ITIH5: variants seen among roughly 807,000 people sequenced by gnomAD.
ITIH5 encodes the protein inter-alpha-trypsin inhibitor heavy chain 5, also known as inter-alpha-trypsin inhibitor heavy chain H5.
A neutral mutation model predicts 77.5 loss-of-function variants in ITIH5; 65 were observed. That is an observed-to-expected ratio of 0.84 (90% CI 0.69 to 1.03). The LOEUF (loss-of-function observed/expected upper bound fraction) is 1.03, where lower values mean the gene tolerates loss of function less well. Among genes scored for constraint, ITIH5 ranks in the 50% least tolerant of loss-of-function variants. The pLI, the probability that ITIH5 is intolerant of heterozygous loss-of-function variation, is 0.00. For synonymous variants in ITIH5, 525 were observed against 494.3 expected (o/e 1.06, Z -0.82); for missense variants, 1,208 against 1,213.1 (o/e 1.00, Z 0.06).
intron 7 of ITIH5, among the ~76,000 whole-genome samples, chr10:7,612,641 C>T (rs1833271492): frequency 6.7e-6 from 1 of 149,914 alleles, no homozygotes; most frequent in Admixed American, 6.6e-5. Context: ...CAAACCCTGC[C>T]CCCACAAAAA....
chr10:7,600,012 A>G (rs7914176), intron 7 of ITIH5, among the ~76,000 whole-genome samples: 147,092 of 152,246 alleles, frequency 0.97, 71,194 homozygotes, highest in Non-Finnish European at 1. Context: ...ACTTTTTCTT[A>G]TCTTCCTTAT....
At chr10:7,663,318 A>G (rs1423310584) in intron 1 of ITIH5, among the ~76,000 whole-genome samples, 3 of 152,270 alleles carry the variant, frequency 2.0e-5, no homozygotes, top group Admixed American at 6.5e-5. Flanking sequence ...CATAAATAGT[A>G]AAAGCAGCTA....
intron 1 of ITIH5, among the ~76,000 whole-genome samples, chr10:7,665,508 A>T (rs1348000576): frequency 6.6e-6 from 1 of 152,248 alleles, no homozygotes; most frequent in Non-Finnish European, 1.5e-5. Flanking sequence ...AAGGCACTTG[A>T]TCAGGGTCCC....
rs1168626184 is a variant in ITIH5, at chr10:7,603,602, C to T, written c.939+12380G>A. The stretch of plus-strand genomic sequence containing the variant: ...TTTTGTTTTTTGTTTGCTTGTTTTT[C>T]AGATGGAGTCTCGCTCTGTCGTCCA... On this transcript the variant is annotated intron_variant, in intron 7 of 13. Transcript: ENST00000397146. Among the ~76,000 whole-genome samples the T allele has an allele frequency of 2.0e-5, 3 of 152,108 alleles. No homozygotes were observed. The East Asian group carries it at 5.8e-4, about 29-fold the overall frequency.
chr10:7,630,531 T>A (rs1188796912), intron 5 of ITIH5, among the ~76,000 whole-genome samples: 4 of 152,050 alleles, frequency 2.6e-5, no homozygotes, highest in African/African-American at 9.7e-5. Context: ...TCCTAGGGTG[T>A]GAGAAGTGGT....
intron 2 of ITIH5, among the ~76,000 whole-genome samples, chr10:7,643,896 C>T (rs1306826478): frequency 1.3e-5 from 2 of 152,148 alleles, no homozygotes; most frequent in Admixed American, 6.5e-5. Context: ...TACAAACCAC[C>T]AAAAGCTTGA....
chr10:7,586,171 T>A, intron 7 of ITIH5, 102 bp from the exon 8 acceptor site: 1 of 1,056,668 alleles, frequency 9.5e-7, no homozygotes, highest in Admixed American at 2.8e-5. Context: ...ATGTCAGGGT[T>A]CAAATTCAGT....
chr10:7,619,931 C>T (rs1480314673), intron 5 of ITIH5: 1 of 152,494 alleles, frequency 6.6e-6, no homozygotes, highest in Non-Finnish European at 1.5e-5. Context: ...AATCCCAGCA[C>T]TTTGGGAGGC....
In ITIH5 at chr10:7,579,804, G is replaced by C. The variant is rs1301734121; in HGVS notation, c.1369C>G (p.Leu457Val). The C allele has an allele frequency of 2.5e-6, 4 of 1,614,052 alleles. No homozygotes were observed. Among genetic ancestry groups the C allele is most frequent in the Non-Finnish European group, 2.5e-6 (3 of 1,180,044 alleles). The change falls in exon 9 of 14, where the codon CTC becomes GTC. Residue 457 changes from leucine (L) to valine (V), a missense_variant. Coordinates refer to ENST00000397146, the MANE Select transcript of ITIH5 (RefSeq NM_030569.7). ...LEKLSLENCG[L>V]TRRVHEEEDA... ...TCCTCCTCGTGCACGCGCCGTGTGAGGCCACAGTTCTCCAGCGACAGTTTC... is the reference window on the plus strand; with the variant it reads ...TCCTCCTCGTGCACGCGCCGTGTGACGCCACAGTTCTCCAGCGACAGTTTC...
chr10:7,626,612 T>G (rs74119843), intron 5 of ITIH5, among the ~76,000 whole-genome samples: 8,544 of 152,260 alleles, frequency 0.056, 849 homozygotes, highest in African/African-American at 0.19. Flanking sequence ...CCAGTCACAG[T>G]GCAGCCCTTT....
At chr10:7,643,662 T>C (rs1833923044) in intron 2 of ITIH5, among the ~76,000 whole-genome samples, 1 of 152,218 alleles carries the variant, frequency 6.6e-6, no homozygotes, top group Admixed American at 6.5e-5. Flanking sequence ...GTCACCTAGC[T>C]GGGCAATGTT....
At chr10:7,600,074 T>A (rs1832984636) in intron 7 of ITIH5, among the ~76,000 whole-genome samples, 1 of 152,206 alleles carries the variant, frequency 6.6e-6, no homozygotes, top group Non-Finnish European at 1.5e-5. Context: ...GAGAAGGCAG[T>A]AGAGGCTTCT....
chr10:7,645,037 A>T (rs547938434), intron 2 of ITIH5, among the ~76,000 whole-genome samples: 1 of 150,864 alleles, frequency 6.6e-6, no homozygotes, highest in African/African-American at 2.4e-5. Context: ...AGCCAAGCAC[A>T]TGAGGAAGGG....
chr10:7,575,072 C>T (rs948237818), intron 10 of ITIH5, among the ~76,000 whole-genome samples: 1 of 152,214 alleles, frequency 6.6e-6, no homozygotes, highest in Non-Finnish European at 1.5e-5. Flanking sequence ...AAGCTCCACG[C>T]TTTCTGAAAT....
At chr10:7,622,333 G>A (rs1833486961) in intron 5 of ITIH5, 1 of 152,132 alleles carries the variant, frequency 6.6e-6, no homozygotes, top group South Asian at 2.1e-4. Context: ...TAATATTCCT[G>A]AGCTTCAGTC....
chr10:7,573,070 A>C, intron 11 of ITIH5, 72 bp downstream of exon 11: 1 of 1,415,696 alleles, frequency 7.1e-7, no homozygotes, highest in Non-Finnish European at 1.0e-6. Flanking sequence ...GAGCCAGTAC[A>C]CCTGGCCTGG....
intron 2 of ITIH5, among the ~76,000 whole-genome samples, chr10:7,643,925 T>C (rs1050021806): frequency 3.3e-5 from 5 of 152,276 alleles, no homozygotes; most frequent in African/African-American, 9.6e-5. Context: ...TTCTATGATG[T>C]ATTAGAGAGG....
At position 7,629,967 on chromosome 10, in the gene ITIH5, T is replaced by C. The variant is rs112577101; in HGVS notation, c.652+7261A>G. Among the ~76,000 whole-genome samples, 15 of 152,308 alleles carry C rather than the reference T, an allele frequency of 9.8e-5. 1 individual carries two copies. Among genetic ancestry groups the C allele is most frequent in the African/African-American group, 3.6e-4 (15 of 41,548 alleles). ...TACCCTAGACAAGTGAATTTGAATG[T>C]ATTGGGGGGGCTACGGAGCTGTACT... On this transcript the variant is annotated intron_variant, in intron 5 of 13. Coordinates refer to ENST00000397146, the MANE Select transcript of ITIH5 (RefSeq NM_030569.7).
chr10:7,641,011 T>C (rs1369913583), intron 3 of ITIH5, among the ~76,000 whole-genome samples, 156 bp from the exon 4 acceptor site: 1 of 152,216 alleles, frequency 6.6e-6, no homozygotes, highest in African/African-American at 2.4e-5. Context: ...CTTTGAATCA[T>C]TCATTTTATT....
Sources: allele counts gnomAD v4.1 joint callset (sites outside exome capture counted in the v4.1 genomes callset), GRCh38; gene constraint gnomAD v4.1.1; transcripts MANE v1.5; gene names NCBI Gene and HGNC (gene_info 2026-07-23, HGNC 2026-07-21).